ZNF845: variants seen among roughly 807,000 people sequenced by gnomAD.
ZNF845 encodes the protein zinc finger protein 845.
Under a neutral mutation model 76.1 loss-of-function variants are expected in ZNF845, and 59 were observed. The observed-to-expected ratio is 0.78, with a 90% CI of 0.63 to 0.96. ZNF845 has a LOEUF of 0.96. ZNF845 is among the 40% of genes least tolerant of loss of function. The pLI is 0.00. For synonymous variants in ZNF845, 361 were observed against 386.9 expected, an observed-to-expected ratio of 0.93 and a Z score of 0.78; for missense variants, 1,045 against 1,172.8, an observed-to-expected ratio of 0.89 and a Z score of 1.59.
At chr19:53,345,271 G>C (rs375910181) in intron 2 of ZNF845, among the ~76,000 whole-genome samples, 2 of 151,820 alleles carry the variant, frequency 1.3e-5, no homozygotes, top group Admixed American at 1.3e-4. Flanking sequence ...AGCCGATATC[G>C]TGCCACTGCA....
chr19:53,346,284 A>G, intron 3 of ZNF845: 1 of 333,266 alleles, frequency 3.0e-6, no homozygotes, highest in Non-Finnish European at 6.1e-6. Context: ...ACATGCTTTG[A>G]CTCCCTTCTT....
chr19:53,337,004 C>G lies in ZNF845; in HGVS notation c.-74+3212C>G, dbSNP rs1368662462. 1.6e-5 allele frequency: 7 copies of G among 428,838 alleles called. No homozygotes were observed. In the East Asian group the frequency reaches 5.0e-4, roughly 30 times the overall value. The allele number at this position is 428,838 out of a possible 1,614,324, so 26.6% of individuals were successfully genotyped here. ...TAAGTGCATGTTTCCCTCAAGGCAC[C>G]TCTGGTCCATGTGGACAAATGTTGA... is the stretch of plus-strand genomic sequence containing the variant. On this transcript the variant is annotated intron_variant, in intron 1 of 3. Coordinates refer to ENST00000458035, the MANE Select transcript of ZNF845 (RefSeq NM_138374.3).
intron 1 of ZNF845, among the ~76,000 whole-genome samples, chr19:53,340,201 G>A (rs1333724121): frequency 6.6e-6 from 1 of 152,206 alleles, no homozygotes; most frequent in Non-Finnish European, 1.5e-5. Context: ...ACAGGCGTGT[G>A]CTACCATGCC....
At chr19:53,334,200 C>T (rs1185345352) in intron 1 of ZNF845, among the ~76,000 whole-genome samples, 1 of 152,202 alleles carries the variant, frequency 6.6e-6, no homozygotes, top group Non-Finnish European at 1.5e-5. Flanking sequence ...GTCTCCCCAC[C>T]GCAGTCACCG....
At chr19:53,345,332 A>AG (rs201923553) in intron 2 of ZNF845, among the ~76,000 whole-genome samples, 174 bp from the exon 3 acceptor site, 2 of 151,910 alleles carry the variant, frequency 1.3e-5, no homozygotes, top group African/African-American at 4.8e-5. Context: ...AAAAAAAAAA[A>AG]GAAGTGTAAT....
chr19:53,344,077 A>G (rs965439234), intron 2 of ZNF845, among the ~76,000 whole-genome samples: 25 of 152,178 alleles, frequency 1.6e-4, no homozygotes, highest in African/African-American at 6.0e-4. Flanking sequence ...CCTGGGATCA[A>G]GCAATTCTGC....
Position 53,352,444 on chromosome 19 carries a change from A to C in ZNF845, c.1769A>C (p.Asn590Thr), listed in dbSNP as rs748720662. The C allele has an allele frequency of 4.3e-6, 7 of 1,613,768 alleles. No individual in the cohort carries two copies. The highest frequency in any genetic ancestry group is 5.1e-6 in the Non-Finnish European group (6 of 1,179,812). Residue 590 changes from asparagine (N) to threonine (T), a missense_variant, in exon 4 of 4, where the codon AAT becomes ACT. Physicochemically the swap from Asn to Thr is moderately conservative, Grantham distance 65. Transcript: ENST00000458035. ...KCNDCHQVFS[N>T]ATTIANHWRI... is the part of the protein sequence containing the mutation. ...AATGATTGTCACCAAGTCTTTAGTA[A>C]TGCTACAACCATTGCAAATCATTGG...
At chr19:53,337,276 C>T (rs549280324) in intron 1 of ZNF845, 7 of 420,680 alleles carry the variant, frequency 1.7e-5, no homozygotes, top group Non-Finnish European at 2.9e-5. Context: ...AGATGTCTCC[C>T]ATGCCCTCCC....
intron 2 of ZNF845, among the ~76,000 whole-genome samples, chr19:53,341,748 C>T (rs7252407): frequency 0.68 from 104,092 of 152,118 alleles, 37,056 homozygotes; most frequent in African/African-American, 0.89. Context: ...TAAGGGGAAA[C>T]GTTTTCTGCC....
chr19:53,350,112 C>A (rs545173829), intron 3 of ZNF845, among the ~76,000 whole-genome samples: 2 of 152,250 alleles, frequency 1.3e-5, no homozygotes, highest in East Asian at 3.9e-4. Flanking sequence ...AATTTTATAA[C>A]AGTTATTCAG....
intron 1 of ZNF845, among the ~76,000 whole-genome samples, chr19:53,335,519 C>T (rs2085207237): frequency 6.6e-6 from 1 of 152,122 alleles, no homozygotes; most frequent in African/African-American, 2.4e-5. Context: ...CCTTGGCCTC[C>T]CAAATTACTG....
rs368954988 is a variant in ZNF845 at position 53,351,913 on chromosome 19, G to A, written c.1238G>A (p.Cys413Tyr). The A allele has an allele frequency of 2.0e-4, 330 of 1,613,874 alleles. No individual in the cohort carries two copies. In the African/African-American group the frequency reaches 2.2e-3, roughly 11 times the overall value. Residue 413 changes from cysteine to tyrosine, a missense_variant, in exon 4 of 4, where the codon TGT becomes TAT. By Grantham distance (194) the Cys-to-Tyr change is radical. Transcript: ENST00000458035. ...CATACTGGAGAGAAACCTTATAAGT[G>A]TAATGATTGTGGCAAGACCTTCAGT... ...RLHTGEKPYK[C>Y]NDCGKTFSQM...
rs780765720 is a variant in ZNF845 at position 53,352,613 on chromosome 19, C to G, written c.1938C>G (p.Phe646Leu). 13 of 1,613,182 alleles carry G rather than the reference C, an allele frequency of 8.1e-6. No homozygotes were observed. The highest frequency in any genetic ancestry group is 1.1e-5 in the Non-Finnish European group (13 of 1,179,746). The change falls in exon 4 of 4, where the codon TTC (phenylalanine) becomes TTG (leucine). Residue 646 changes from phenylalanine (F) to leucine (L), a missense_variant. Physicochemically the swap from Phe to Leu is conservative, Grantham distance 22. Coordinates refer to ENST00000458035, the MANE Select transcript of ZNF845 (RefSeq NM_138374.3). The part of the protein sequence containing the change: ...KCEECDEAFS[F>L]KSNLQRHRRI... Reference sequence around the variant, plus strand: ...AAGAATGTGATGAAGCTTTCAGTTTCAAATCAAACCTTCAAAGACATAGGA... The same window carrying G: ...AAGAATGTGATGAAGCTTTCAGTTTGAAATCAAACCTTCAAAGACATAGGA...
intron 2 of ZNF845, 145 bp from the exon 3 acceptor site, chr19:53,345,361 C>T: frequency 2.0e-6 from 3 of 1,511,082 alleles, no homozygotes; most frequent in Non-Finnish European, 2.7e-6. Context: ...ACTCAGAAGA[C>T]AAAATGTGGT....
At chr19:53,342,155 C>T (rs1453807241) in intron 2 of ZNF845, among the ~76,000 whole-genome samples, 2 of 151,486 alleles carry the variant, frequency 1.3e-5, no homozygotes, top group Middle Eastern at 3.4e-3. Context: ...TGCTTTGTCG[C>T]CCAGGCTGAA....
intron 3 of ZNF845, among the ~76,000 whole-genome samples, chr19:53,347,666 T>C (rs2085306351): frequency 6.6e-6 from 1 of 152,216 alleles, no homozygotes; most frequent in African/African-American, 2.4e-5. Context: ...GTCTCTAAAC[T>C]TCCTTTGTTT....
At chr19:53,346,929 G>A (rs1405896332) in intron 3 of ZNF845, among the ~76,000 whole-genome samples, 1 of 151,842 alleles carries the variant, frequency 6.6e-6, no homozygotes, top group Admixed American at 6.6e-5. Flanking sequence ...TGTTGCCTAG[G>A]CTGGAGTGCA....
chr19:53,336,921 G>A (rs2085219560), intron 1 of ZNF845, among the ~76,000 whole-genome samples: 1 of 152,078 alleles, frequency 6.6e-6, no homozygotes, highest in African/African-American at 2.4e-5. Flanking sequence ...GTAGTTTAAC[G>A]AGTTAGCCTG....
In ZNF845 at chr19:53,353,105, G is replaced by C; in HGVS notation, c.2430G>C (p.Lys810Asn). The C allele has an allele frequency of 6.2e-7, 1 of 1,600,122 alleles. No individual in the cohort carries two copies. Among genetic ancestry groups the C allele is most frequent in the Non-Finnish European group, 8.6e-7 (1 of 1,168,330 alleles). The change falls in exon 4 of 4, where the codon AAG becomes AAC. Residue 810 changes from lysine to asparagine, a missense_variant. Coordinates refer to ENST00000458035, the MANE Select transcript of ZNF845 (RefSeq NM_138374.3). ...EKPYKCNECG[K>N]NFRHNSALVI... ...CTTACAAGTGTAATGAATGTGGCAA[G>C]AACTTCCGTCACAATTCAGCCCTTG...
Sources: allele counts gnomAD v4.1 joint callset (sites outside exome capture counted in the v4.1 genomes callset), GRCh38; gene constraint gnomAD v4.1.1; transcripts MANE v1.5; gene names NCBI Gene and HGNC (gene_info 2026-07-23, HGNC 2026-07-21).